The following GDA variants were observed in gnomAD, a reference collection of about 807,000 sequenced individuals.
The protein encoded by GDA is guanine deaminase, also known as cytoplasmic PSD-95 interactor.
A neutral mutation model predicts 59.6 loss-of-function variants in GDA; 18 were observed. The ratio of observed to expected loss-of-function variants is 0.30; its 90% CI spans 0.21 to 0.45. GDA has a LOEUF of 0.45. GDA is among the 20% of genes least tolerant of loss of function. The pLI is 1.00. For missense variants in GDA, 427 were observed against 552.3 expected, an observed-to-expected ratio of 0.77 and a Z score of 2.27; for synonymous variants, 201 against 201.1, an observed-to-expected ratio of 1.00 and a Z score of 0.00.
intron 5 of GDA, among the ~76,000 whole-genome samples, chr9:72,216,135 A>C (rs992755004): frequency 1.3e-5 from 2 of 152,248 alleles, no homozygotes; most frequent in African/African-American, 4.8e-5. Context: ...AGAGTCTCAT[A>C]TGTGCATGCC....
chr9:72,206,812 T>C (rs1350342351), intron 3 of GDA, among the ~76,000 whole-genome samples: 1 of 152,146 alleles, frequency 6.6e-6, no homozygotes, highest in Non-Finnish European at 1.5e-5. Context: ...ACAATGAGCT[T>C]TGCTTTTTAT....
chr9:72,257,219 T>C (rs926498084), downstream of GDA: 1 of 152,122 alleles, frequency 6.6e-6, no homozygotes, highest in Non-Finnish European at 1.5e-5. Context: ...ACAGACAGAG[T>C]AGCCCCTGCA....
At chr9:72,208,638 A>G (rs573192725) in intron 3 of GDA, among the ~76,000 whole-genome samples, 75 of 152,366 alleles carry the variant, frequency 4.9e-4, no homozygotes, top group South Asian at 1.2e-3. Context: ...ACTAAAAGAC[A>G]GTTTCTAAAA....
chr9:72,172,217 C>T (rs538431231), intron 1 of GDA, among the ~76,000 whole-genome samples: 2 of 108,054 alleles, frequency 1.9e-5, no homozygotes, highest in Non-Finnish European at 3.8e-5. Context: ...GTGTACAAAA[C>T]ATACAATCTA....
intron 7 of GDA, among the ~76,000 whole-genome samples, chr9:72,223,737 G>A (rs1042190873): frequency 6.6e-6 from 1 of 152,108 alleles, no homozygotes; most frequent in Non-Finnish European, 1.5e-5. Flanking sequence ...AGTATACCTT[G>A]CTTTGTCATT....
At chr9:72,206,988 T>G (rs1834803680) in intron 3 of GDA, among the ~76,000 whole-genome samples, 1 of 152,132 alleles carries the variant, frequency 6.6e-6, no homozygotes, top group African/African-American at 2.4e-5. Context: ...GAGAGAATTC[T>G]ATTTGAAATT....
chr9:72,243,022 T>C (rs1386985322), intron 11 of GDA, among the ~76,000 whole-genome samples: 1 of 152,202 alleles, frequency 6.6e-6, no homozygotes, highest in Non-Finnish European at 1.5e-5. Context: ...ACTCATGGAA[T>C]TTCTTTTCCT....
At chr9:72,167,018 T>C (rs1377730013) in intron 1 of GDA, among the ~76,000 whole-genome samples, 1 of 152,216 alleles carries the variant, frequency 6.6e-6, no homozygotes, top group East Asian at 1.9e-4. Flanking sequence ...AATAGTTCCA[T>C]AGACAGGTTT....
intron 10 of GDA, among the ~76,000 whole-genome samples, chr9:72,234,501 G>A (rs934265900): frequency 1.3e-5 from 2 of 152,128 alleles, no homozygotes; most frequent in Non-Finnish European, 2.9e-5. Context: ...AATCAAATCA[G>A]TGATGTGAGA....
intron 1 of GDA, among the ~76,000 whole-genome samples, chr9:72,132,382 C>T (rs1587312375): frequency 6.6e-6 from 1 of 152,176 alleles, no homozygotes; most frequent in Non-Finnish European, 1.5e-5. Context: ...CTGGCAGGGA[C>T]CTGAGGGAGG....
upstream of GDA, among the ~76,000 whole-genome samples, chr9:72,146,836 C>T (rs774636535): frequency 7.9e-5 from 12 of 152,112 alleles, no homozygotes; most frequent in Non-Finnish European, 1.6e-4. Flanking sequence ...TGCTGCCTGG[C>T]AGTATAGCAC....
At chr9:72,215,958 A>G (rs1836058273) in intron 5 of GDA, among the ~76,000 whole-genome samples, 1 of 152,230 alleles carries the variant, frequency 6.6e-6, no homozygotes, top group South Asian at 2.1e-4. Flanking sequence ...ATCCCAGGGG[A>G]GGACTCTAAA....
At chr9:72,191,929 C>G (rs867615645) in intron 1 of GDA, among the ~76,000 whole-genome samples, 2 of 152,142 alleles carry the variant, frequency 1.3e-5, no homozygotes, top group South Asian at 4.1e-4. Context: ...CTTTCTTTAT[C>G]CTTGATCTTT....
At position 72,250,057 on chromosome 9, in the gene GDA, T is replaced by A; in HGVS notation, c.*1715T>A. On this transcript the variant is annotated 3_prime_UTR_variant, in exon 14 of 14. Coordinates refer to ENST00000358399, the MANE Select transcript of GDA (RefSeq NM_004293.5). ...TCTTAGTAAACCCAATTTCCAGTCT[T>A]AGTCTGTATTTCCAATATTTCTAAT... The A allele has an allele frequency of 1.0e-6, 1 of 974,480 alleles. No homozygotes were observed. Among genetic ancestry groups the A allele is most frequent in the Non-Finnish European group, 1.2e-6 (1 of 819,970 alleles). The allele number at this position is 974,480 out of a possible 1,614,324, so 60.4% of individuals were successfully genotyped here.
intron 10 of GDA, among the ~76,000 whole-genome samples, chr9:72,240,198 C>A (rs1326236449): frequency 2.0e-5 from 3 of 152,120 alleles, no homozygotes; most frequent in Non-Finnish European, 4.4e-5. Context: ...ATAGAGCTGT[C>A]TACATTAGCA....
Position 72,248,978 on chromosome 9 carries a change from T to C in GDA, c.*636T>C. The C allele has an allele frequency of 1.0e-6, 1 of 983,946 alleles. No individual in the cohort carries two copies. The highest frequency in any genetic ancestry group is 1.2e-6 in the Non-Finnish European group (1 of 828,160). The allele number at this position is 983,946 out of a possible 1,614,324, so 61.0% of individuals were successfully genotyped here. A position where few individuals can be genotyped will look rare whatever the true frequency, so the allele number is the denominator to read the frequency against. On this transcript the variant is annotated 3_prime_UTR_variant, in exon 14 of 14. Coordinates refer to ENST00000358399, the MANE Select transcript of GDA (RefSeq NM_004293.5). ...GTGCTTTGCCTTCTTTGGCGATGAA[T>C]GTCAGAAATTGAATGCCACATGCTT...
Position 72,202,643 on chromosome 9 carries a change from A to C in GDA, c.285A>C (p.Ile95=), listed in dbSNP as rs771958358. 6.2e-7 allele frequency: 1 copy of C among 1,611,256 alleles called. No homozygotes were observed. Among genetic ancestry groups the C allele is most frequent in the Admixed American group, 1.7e-5 (1 of 60,014 alleles). Residue 95 remains isoleucine, a synonymous_variant, in exon 3 of 14, where the codon ATA becomes ATC. Transcript: ENST00000358399. ...AGTATTCCTTTGCTGGAAGTAGCAT[A>C]GACCTGCCACTCTTGGAGTGGCTGA... The part of the protein sequence containing the change: ...ASQYSFAGSS[I]DLPLLEWLTK...
intron 1 of GDA, among the ~76,000 whole-genome samples, chr9:72,157,655 T>A (rs1165076415): frequency 6.6e-6 from 1 of 152,202 alleles, no homozygotes; most frequent in Non-Finnish European, 1.5e-5. Context: ...CTCATTCTAG[T>A]ATTTCCCCCA....
rs553578102 is a variant in GDA, at chr9:72,206,315, A to T, written c.384+3573A>T. 9.9e-5 allele frequency among the ~76,000 whole-genome samples: 15 copies of T among 152,172 alleles called. No homozygotes were observed. In the South Asian group the frequency reaches 3.1e-3, roughly 32 times the overall value. ...ACATTTTCATTCTGTTCCCTTCTTC[A>T]TCCCTACCTTTTTTGCTACGTCCTA... On this transcript the variant is annotated intron_variant, in intron 3 of 13. Transcript: ENST00000358399.
Sources: gnomAD v4.1 joint callset for allele counts (sites outside exome capture counted in the v4.1 genomes callset) on GRCh38, gnomAD v4.1.1 for gene constraint, MANE v1.5 for transcripts, NCBI Gene and HGNC (gene_info 2026-07-23, HGNC 2026-07-21) for gene names.